Variants in OPCML observed in about 807,000 individuals in gnomAD.
The protein encoded by OPCML is opioid-binding protein/cell adhesion molecule.
In OPCML, 13 loss-of-function variants were observed where a neutral mutation model predicts 37.8. That is an observed-to-expected ratio of 0.34 (90% CI 0.22 to 0.55). The LOEUF (loss-of-function observed/expected upper bound fraction) is 0.55. OPCML is among the 20% of genes least tolerant of loss of function. The pLI is 0.91. For missense variants in OPCML, 341 were observed against 435.6 expected, an observed-to-expected ratio of 0.78 and a Z score of 1.93; for synonymous variants, 176 against 168.8, an observed-to-expected ratio of 1.04 and a Z score of -0.33.
intron 2 of OPCML, among the ~76,000 whole-genome samples, chr11:132,773,713 T>A (rs1377848748): frequency 6.6e-6 from 1 of 152,212 alleles, no homozygotes; most frequent in Non-Finnish European, 1.5e-5. Flanking sequence ...TCCCTTCTCA[T>A]TCTTATATGT....
At chr11:132,598,019 C>T (rs928213817) in intron 3 of OPCML, among the ~76,000 whole-genome samples, 6 of 151,882 alleles carry the variant, frequency 4.0e-5, no homozygotes, top group African/African-American at 1.5e-4. Flanking sequence ...AAGGTCATAT[C>T]TTCCACGAAG....
intron 4 of OPCML, among the ~76,000 whole-genome samples, chr11:132,454,600 G>C (rs1227612208): frequency 6.6e-6 from 1 of 152,226 alleles, no homozygotes; most frequent in Admixed American, 6.5e-5. Context: ...GATGGGAGAA[G>C]CCAGCACCCA....
intron 1 of OPCML, among the ~76,000 whole-genome samples, chr11:133,075,340 G>A (rs1415729900): frequency 6.6e-6 from 1 of 152,198 alleles, no homozygotes; most frequent in Non-Finnish European, 1.5e-5. Flanking sequence ...AGGACAGAGC[G>A]TGCTGGGTCT....
chr11:132,753,248 C>A (rs950065494), intron 2 of OPCML, among the ~76,000 whole-genome samples: 1 of 152,154 alleles, frequency 6.6e-6, no homozygotes, highest in African/African-American at 2.4e-5. Flanking sequence ...TCTGTACTTC[C>A]ATTTCAGAGC....
At chr11:132,670,299 G>C (rs1051866592) in intron 2 of OPCML, among the ~76,000 whole-genome samples, 2 of 152,142 alleles carry the variant, frequency 1.3e-5, no homozygotes, top group African/African-American at 4.8e-5. Flanking sequence ...TGGGAGCAAA[G>C]ACTTCGGCAG....
At chr11:132,478,607 A>G (rs959943295) in intron 4 of OPCML, among the ~76,000 whole-genome samples, 1 of 152,266 alleles carries the variant, frequency 6.6e-6, no homozygotes, top group African/African-American at 2.4e-5. Flanking sequence ...TCTAAACTCA[A>G]CAGTGAACAT....
At chr11:132,859,650 G>A (rs765201645) in intron 2 of OPCML, 8 of 152,192 alleles carry the variant, frequency 5.3e-5, no homozygotes, top group African/African-American at 1.9e-4. Context: ...TTTGCCAGAC[G>A]GAGCTTTCTT....
At chr11:133,387,714 C>A (rs192123158) in intron 1 of OPCML, among the ~76,000 whole-genome samples, 36 of 152,340 alleles carry the variant, frequency 2.4e-4, no homozygotes, top group African/African-American at 8.2e-4. Flanking sequence ...CAGGCAAAAT[C>A]TCTGTCCACA....
intron 1 of OPCML, among the ~76,000 whole-genome samples, chr11:133,180,373 CA>C (rs1565489196): frequency 6.6e-6 from 1 of 152,162 alleles, no homozygotes; most frequent in African/African-American, 2.4e-5. Flanking sequence ...CAGCTGATTG[CA>C]AAAGCCCAGA....
intron 4 of OPCML, chr11:132,525,828 T>C (rs370217174): frequency 3.4e-4 from 52 of 152,212 alleles, no homozygotes; most frequent in African/African-American, 1.2e-3. Flanking sequence ...AGGTATAAAA[T>C]TGGAACGATA....
intron 3 of OPCML, among the ~76,000 whole-genome samples, chr11:132,656,732 T>C (rs1164045596): frequency 6.6e-6 from 1 of 152,212 alleles, no homozygotes; most frequent in East Asian, 1.9e-4. Flanking sequence ...GAAATAAGCC[T>C]ATAAGAGAAT....
chr11:132,714,533 C>A (rs1784516), intron 2 of OPCML, among the ~76,000 whole-genome samples: 35,281 of 152,054 alleles, frequency 0.23, 5,026 homozygotes, highest in African/African-American at 0.38. Flanking sequence ...CACGCAATGC[C>A]GCATCAGAAT....
chr11:133,483,672 G>T (rs993866026), intron 1 of OPCML, among the ~76,000 whole-genome samples: 2 of 135,938 alleles, frequency 1.5e-5, no homozygotes, highest in African/African-American at 5.6e-5. Context: ...TAGATAAATA[G>T]ATGATAGATA....
intron 1 of OPCML, among the ~76,000 whole-genome samples, chr11:133,230,415 C>T (rs1037232528): frequency 3.9e-5 from 6 of 152,192 alleles, no homozygotes; most frequent in Admixed American, 3.3e-4. Context: ...TGCTGTCACT[C>T]GTTTCTATTT....
chr11:132,631,406 T>C (rs1940110123), intron 3 of OPCML, among the ~76,000 whole-genome samples: 1 of 147,936 alleles, frequency 6.8e-6, no homozygotes, highest in Non-Finnish European at 1.5e-5. Context: ...ATAAAAGATA[T>C]ATATAATCTC....
At chr11:132,923,873 C>G (rs781604466) in intron 2 of OPCML, among the ~76,000 whole-genome samples, 1 of 147,248 alleles carries the variant, frequency 6.8e-6, no homozygotes, top group Non-Finnish European at 1.5e-5. Context: ...AAGCAATTCT[C>G]CTTCCTCAGC....
intron 3 of OPCML, among the ~76,000 whole-genome samples, chr11:132,619,642 T>C (rs146134337): frequency 0.048 from 7,051 of 146,344 alleles, 304 homozygotes; most frequent in African/African-American, 0.1. Context: ...ATCAAGACCA[T>C]CCTGGCTAAC....
At chr11:132,865,149 GA>G (rs1942479255) in intron 2 of OPCML, among the ~76,000 whole-genome samples, 2 of 152,144 alleles carry the variant, frequency 1.3e-5, no homozygotes, top group Non-Finnish European at 2.9e-5. Flanking sequence ...TTTTCGAGGG[GA>G]TAAGTAGAGG....
At position 132,432,090 on chromosome 11, in the gene OPCML, T is replaced by G. The variant is rs1237792583; in HGVS notation, c.916+3996A>C. Reference sequence around the variant, plus strand: ...GCAATAGGAGCAAAGTGCTCCAGCATGGGAATGGGAGTATATAGCCTCAAA... The same window carrying G: ...GCAATAGGAGCAAAGTGCTCCAGCAGGGGAATGGGAGTATATAGCCTCAAA... On this transcript the variant is annotated intron_variant, in intron 7 of 7. Coordinates refer to ENST00000524381, the MANE Select transcript of OPCML (RefSeq NM_001012393.5). Among the ~76,000 whole-genome samples, 3 of 152,174 alleles carry G rather than the reference T, an allele frequency of 2.0e-5. No individual in the cohort carries two copies. The East Asian group carries it at 5.8e-4, about 29-fold the overall frequency.
Sources: gnomAD v4.1 joint callset for allele counts (sites outside exome capture counted in the v4.1 genomes callset) on GRCh38, gnomAD v4.1.1 for gene constraint, MANE v1.5 for transcripts, NCBI Gene and HGNC (gene_info 2026-07-23, HGNC 2026-07-21) for gene names.